The following SMAP1 variants were observed in gnomAD, a reference collection of about 807,000 sequenced individuals.
SMAP1 encodes the protein stromal membrane-associated protein 1.
SMAP1 carries 24 observed loss-of-function variants against 58.5 expected under a neutral mutation model. The observed-to-expected ratio is 0.41, with a 90% CI of 0.30 to 0.58. The LOEUF (loss-of-function observed/expected upper bound fraction) is 0.58, where lower values mean the gene tolerates loss of function less well. Among genes scored for constraint, SMAP1 ranks in the 20% least tolerant of loss-of-function variants. SMAP1 has a pLI of 0.29. For missense variants in SMAP1, 563 were observed against 566.3 expected (o/e 0.99, Z 0.06); for synonymous variants, 216 against 196.6 (o/e 1.10, Z -0.82).
chr6:70,814,810 T>C (rs1769547690), intron 6 of SMAP1, among the ~76,000 whole-genome samples: 2 of 152,148 alleles, frequency 1.3e-5, no homozygotes, highest in African/African-American at 4.8e-5. Context: ...GTAGATTAAA[T>C]GTTACCACCG....
chr6:70,793,208 T>C (rs1006841437), intron 5 of SMAP1, among the ~76,000 whole-genome samples: 1 of 152,024 alleles, frequency 6.6e-6, no homozygotes, highest in South Asian at 2.1e-4. Context: ...CTAATTTTTG[T>C]ATTTTTAGTA....
intron 6 of SMAP1, among the ~76,000 whole-genome samples, chr6:70,818,756 G>A (rs1769753649): frequency 6.6e-6 from 1 of 152,204 alleles, no homozygotes; most frequent in Non-Finnish European, 1.5e-5. Flanking sequence ...CACTGCTAAA[G>A]TATGGTCACA....
rs757384199 is a variant in SMAP1, at chr6:70,755,040, A to G, written c.313A>G (p.Asn105Asp). 1.9e-6 allele frequency: 3 copies of G among 1,610,672 alleles called. No homozygotes were observed. Among genetic ancestry groups the G allele is most frequent in the Non-Finnish European group, 2.5e-6 (3 of 1,177,550 alleles). ...ACTCTATGAAGCCAATCTTCCAGAGAACTTTCGAAGACCACAGACAGATCA... is the reference window on the plus strand; with the variant it reads ...ACTCTATGAAGCCAATCTTCCAGAGGACTTTCGAAGACCACAGACAGATCA... Reference protein sequence around the residue: ...RLLYEANLPENFRRPQTDQAV... With the variant: ...RLLYEANLPEDFRRPQTDQAV... Residue 105 changes from asparagine (N) to aspartate (D), a missense_variant, in exon 3 of 11, where the codon AAC becomes GAC. By Grantham distance (23) the Asn-to-Asp change is conservative. Coordinates refer to ENST00000370455, the MANE Select transcript of SMAP1 (RefSeq NM_001044305.3).
chr6:70,821,836 A>G (rs944480739), intron 6 of SMAP1, among the ~76,000 whole-genome samples: 1 of 152,194 alleles, frequency 6.6e-6, no homozygotes, highest in Non-Finnish European at 1.5e-5. Flanking sequence ...CTGTGATGAT[A>G]AAGAATGTGT....
At chr6:70,853,318 T>G (rs1209933670) in intron 8 of SMAP1, among the ~76,000 whole-genome samples, 3 of 152,192 alleles carry the variant, frequency 2.0e-5, no homozygotes, top group Non-Finnish European at 4.4e-5. Flanking sequence ...TTACATGGAA[T>G]TTTTGTAATG....
chr6:70,850,469 C>T (rs1771143616), intron 7 of SMAP1, among the ~76,000 whole-genome samples: 1 of 151,512 alleles, frequency 6.6e-6, no homozygotes, highest in Non-Finnish European at 1.5e-5. Context: ...ATTTTGGTTG[C>T]AGTTTACATT....
intron 3 of SMAP1, among the ~76,000 whole-genome samples, chr6:70,755,553 G>A (rs1377512269): frequency 6.6e-6 from 1 of 151,998 alleles, no homozygotes; most frequent in African/African-American, 2.4e-5. Context: ...TGTAGGCTAG[G>A]CTAGGCTATG....
chr6:70,773,306 C>A, intron 3 of SMAP1, 44 bp from the exon 4 acceptor site: 1 of 1,199,818 alleles, frequency 8.3e-7, no homozygotes, highest in Non-Finnish European at 1.2e-6. Context: ...GGGAAGTGTA[C>A]ATATCACTGA....
intron 4 of SMAP1, among the ~76,000 whole-genome samples, chr6:70,791,438 T>G (rs544571880): frequency 1.3e-5 from 2 of 152,306 alleles, no homozygotes; most frequent in South Asian, 4.1e-4. Context: ...TGACTACATT[T>G]TAAATTTTAT....
At chr6:70,714,049 A>G (rs536828135) in intron 1 of SMAP1, among the ~76,000 whole-genome samples, 125 of 152,236 alleles carry the variant, frequency 8.2e-4, no homozygotes, top group African/African-American at 3.0e-3. Flanking sequence ...CGATGCAAAT[A>G]TGGCCACTCT....
chr6:70,764,379 A>T (rs1219227977), intron 3 of SMAP1, among the ~76,000 whole-genome samples: 1 of 152,256 alleles, frequency 6.6e-6, no homozygotes, highest in Non-Finnish European at 1.5e-5. Flanking sequence ...GATGCCATTG[A>T]GGACGTTCAT....
intron 1 of SMAP1, among the ~76,000 whole-genome samples, chr6:70,707,737 C>G (rs142481879): frequency 0.023 from 3,571 of 152,268 alleles, 52 homozygotes; most frequent in Non-Finnish European, 0.037. Flanking sequence ...TCCTGAGTAG[C>G]TGGGACTACA....
intron 1 of SMAP1, among the ~76,000 whole-genome samples, chr6:70,669,762 T>C (rs954726436): frequency 6.6e-6 from 1 of 152,250 alleles, no homozygotes; most frequent in Non-Finnish European, 1.5e-5. Context: ...CTGGTAAATA[T>C]TAAATCTGTT....
chr6:70,726,432 G>T (rs560402649), intron 1 of SMAP1, among the ~76,000 whole-genome samples: 2 of 152,308 alleles, frequency 1.3e-5, no homozygotes, highest in South Asian at 4.1e-4. Context: ...ACAATTAACT[G>T]TAAGTCATTG....
chr6:70,775,779 C>A (rs1159305892), intron 4 of SMAP1, among the ~76,000 whole-genome samples: 1 of 152,036 alleles, frequency 6.6e-6, no homozygotes, highest in East Asian at 1.9e-4. Flanking sequence ...GAAAGATTTA[C>A]AAAAGTCACA....
chr6:70,858,509 A>C, intron 10 of SMAP1: 1 of 246,574 alleles, frequency 4.1e-6, no homozygotes, highest in Non-Finnish European at 7.7e-6. Flanking sequence ...AACACCACTA[A>C]TGGCCAGAAA....
At chr6:70,768,262 C>T (rs1767094081) in intron 3 of SMAP1, among the ~76,000 whole-genome samples, 1 of 152,190 alleles carries the variant, frequency 6.6e-6, no homozygotes, top group African/African-American at 2.4e-5. Context: ...ATGCTGACCT[C>T]ATAAAATGAG....
Position 70,860,764 on chromosome 6 carries a change from G to C in SMAP1, c.*430G>C, listed in dbSNP as rs1156479418. ...GATCAAATGTTTAATCATATAAATA[G>C]AATGTAAATGTCTCACTGAGCACTG... On this transcript the variant is annotated 3_prime_UTR_variant, in exon 11 of 11. Coordinates refer to ENST00000370455, the MANE Select transcript of SMAP1 (RefSeq NM_001044305.3). The C allele has an allele frequency of 5.8e-5, 23 of 399,454 alleles. No individual in the cohort carries two copies. Among genetic ancestry groups the C allele is most frequent in the Non-Finnish European group, 3.5e-5 (8 of 226,434 alleles). The allele number at this position is 399,454 out of a possible 1,614,324, so 24.7% of individuals were successfully genotyped here. A position where few individuals can be genotyped will look rare whatever the true frequency, so the allele number is the denominator to read the frequency against.
chr6:70,690,889 C>T lies in SMAP1; in HGVS notation c.118+22748C>T, dbSNP rs553995887. ...CTTCCCCACTGTTTTTTTTTCCCCT[C>T]AATTTCCGGAGGAGTTTGTATAGAA... On this transcript the variant is annotated intron_variant, in intron 1 of 10. Transcript: ENST00000370455. Among the ~76,000 whole-genome samples the T allele has an allele frequency of 6.0e-4, 90 of 151,162 alleles. 1 individual carries two copies. The highest frequency in any genetic ancestry group is 2.2e-3 in the African/African-American group (90 of 41,216).
Sources: gnomAD v4.1 joint callset for allele counts (sites outside exome capture counted in the v4.1 genomes callset) on GRCh38, gnomAD v4.1.1 for gene constraint, MANE v1.5 for transcripts, NCBI Gene and HGNC (gene_info 2026-07-23, HGNC 2026-07-21) for gene names.